The following RBFOX2 variants were observed in gnomAD, a reference collection of about 807,000 sequenced individuals.
RBFOX2 encodes RNA binding fox-1 homolog 2.
RBFOX2 carries 10 observed loss-of-function variants against 49.1 expected under a neutral mutation model. The ratio of observed to expected loss-of-function variants is 0.20; its 90% CI spans 0.13 to 0.35. The LOEUF (loss-of-function observed/expected upper bound fraction) is 0.35. Among genes scored for constraint, RBFOX2 ranks in the 10% least tolerant of loss-of-function variants. The pLI is 1.00. For missense variants in RBFOX2, 323 were observed against 486.9 expected, an observed-to-expected ratio of 0.66 and a Z score of 3.17; for synonymous variants, 183 against 187.4, an observed-to-expected ratio of 0.98 and a Z score of 0.19.
At chr22:35,770,101 C>T (rs1037143323) in intron 4 of RBFOX2, among the ~76,000 whole-genome samples, 1 of 152,166 alleles carries the variant, frequency 6.6e-6, no homozygotes, top group African/African-American at 2.4e-5. Context: ...TTTGACACCA[C>T]AAGGTATAAA....
chr22:36,025,093 C>T (rs977885991), intron 1 of RBFOX2, among the ~76,000 whole-genome samples: 1 of 152,210 alleles, frequency 6.6e-6, no homozygotes, highest in African/African-American at 2.4e-5. Context: ...CAGGCGTGAG[C>T]CACTGCGCCC....
At chr22:35,984,376 C>T (rs1421086442) in intron 1 of RBFOX2, among the ~76,000 whole-genome samples, 1 of 152,170 alleles carries the variant, frequency 6.6e-6, no homozygotes, top group Non-Finnish European at 1.5e-5. Flanking sequence ...CCATTATATA[C>T]TCTAAAAATA....
intron 1 of RBFOX2, among the ~76,000 whole-genome samples, chr22:35,832,201 G>A (rs1210514113): frequency 2.0e-5 from 3 of 152,016 alleles, no homozygotes; most frequent in African/African-American, 7.2e-5. Flanking sequence ...GTGAAACCCT[G>A]TCTCTACCAA....
At chr22:35,943,900 G>A (rs1046568347) in intron 1 of RBFOX2, among the ~76,000 whole-genome samples, 9 of 152,162 alleles carry the variant, frequency 5.9e-5, no homozygotes, top group Non-Finnish European at 1.0e-4. Flanking sequence ...GCGAGACTCC[G>A]TCTCAAAAAA....
At chr22:36,009,352 GAC>G (rs753637957) in intron 1 of RBFOX2, among the ~76,000 whole-genome samples, 3 of 152,148 alleles carry the variant, frequency 2.0e-5, no homozygotes, top group Non-Finnish European at 2.9e-5. Flanking sequence ...TAAGATTAGA[GAC>G]AGAATTTCTG....
At chr22:35,975,030 C>T (rs1388014153) in intron 1 of RBFOX2, among the ~76,000 whole-genome samples, 1 of 152,188 alleles carries the variant, frequency 6.6e-6, no homozygotes, top group Non-Finnish European at 1.5e-5. Flanking sequence ...TTTCTGTTAA[C>T]TTTCCAATCC....
At chr22:35,840,359 C>G in exon 1 of RBFOX2, 1 of 1,549,066 alleles carries the variant, frequency 6.5e-7, no homozygotes, top group Non-Finnish European at 8.7e-7. Flanking sequence ...GTTTTCCTTC[C>G]TTTTTCTTTC....
At chr22:36,013,626 AACAC>A (rs547422068) in intron 1 of RBFOX2, among the ~76,000 whole-genome samples, 3 of 146,150 alleles carry the variant, frequency 2.1e-5, no homozygotes, top group Non-Finnish European at 3.0e-5. Context: ...GCATCACACA[AACAC>A]ACACACACAC....
chr22:35,809,416 T>C (rs1030793110), intron 2 of RBFOX2, among the ~76,000 whole-genome samples: 1 of 151,358 alleles, frequency 6.6e-6, no homozygotes, highest in Non-Finnish European at 1.5e-5. Context: ...AAAGAAAGAA[T>C]ATTCCTAGGT....
intron 9 of RBFOX2, among the ~76,000 whole-genome samples, chr22:35,755,474 T>C (rs367738084): frequency 6.6e-6 from 1 of 152,218 alleles, no homozygotes; most frequent in Non-Finnish European, 1.5e-5. Context: ...GGTTGCTGAT[T>C]ATGCTACTCA....
intron 1 of RBFOX2, among the ~76,000 whole-genome samples, chr22:35,835,722 T>C (rs1190163245): frequency 6.6e-6 from 1 of 151,942 alleles, no homozygotes; most frequent in Non-Finnish European, 1.5e-5. Flanking sequence ...GATTAGGGGG[T>C]GACTAAGACG....
chr22:35,850,001 A>T (rs551408354), intron 1 of RBFOX2, among the ~76,000 whole-genome samples: 6 of 152,272 alleles, frequency 3.9e-5, no homozygotes, highest in Non-Finnish European at 7.4e-5. Context: ...ACACTGGCAC[A>T]CAAACACGGT....
chr22:35,879,314 T>G (rs1269887259), intron 1 of RBFOX2, among the ~76,000 whole-genome samples: 2 of 152,220 alleles, frequency 1.3e-5, no homozygotes, highest in Admixed American at 6.5e-5. Flanking sequence ...TTTTTTTCCT[T>G]GTCACCGTAA....
intron 1 of RBFOX2, among the ~76,000 whole-genome samples, chr22:35,929,496 G>C (rs2052091084): frequency 6.6e-6 from 1 of 151,660 alleles, no homozygotes; most frequent in South Asian, 2.1e-4. Context: ...TCACTATAAT[G>C]AAATATTATT....
intron 1 of RBFOX2, among the ~76,000 whole-genome samples, chr22:35,933,985 C>T (rs964440521): frequency 7.2e-6 from 1 of 138,692 alleles, no homozygotes; most frequent in Non-Finnish European, 1.5e-5. Flanking sequence ...TAGAAAATTT[C>T]CTTGAAAATA....
rs544520325 is a variant in RBFOX2 at position 35,879,048 on chromosome 22, A to C, written c.-34+59799T>G. ...CCTGGCCGTATGGCCTGTTTTTATA[A>C]TATTTAGAAGATAAATGCTATGAAA... On this transcript the variant is annotated intron_variant, in intron 1 of 13. Transcript: ENST00000359369. Among the ~76,000 whole-genome samples, 7 of 152,324 alleles carry C rather than the reference A, an allele frequency of 4.6e-5. No homozygotes were observed. The East Asian group carries it at 1.4e-3, about 29-fold the overall frequency.
chr22:35,961,761 A>C, upstream of RBFOX2: 1 of 1,196,270 alleles, frequency 8.4e-7, no homozygotes, highest in East Asian at 5.9e-5. Flanking sequence ...CACCCGCCCC[A>C]AAAAGACGAT....
chr22:35,746,819 C>A (rs1932905840), intron 9 of RBFOX2: 2 of 351,746 alleles, frequency 5.7e-6, no homozygotes, highest in Non-Finnish European at 1.0e-5. Flanking sequence ...TTTGGTAGTA[C>A]CTGTTAAATA....
chr22:35,972,784 C>T (rs2056951850), intron 1 of RBFOX2, among the ~76,000 whole-genome samples: 2 of 152,100 alleles, frequency 1.3e-5, no homozygotes. Flanking sequence ...CAGTTGGCAC[C>T]CTCTTCTATG....
Sources: allele counts gnomAD v4.1 joint callset (sites outside exome capture counted in the v4.1 genomes callset), GRCh38; gene constraint gnomAD v4.1.1; transcripts MANE v1.5; gene names NCBI Gene and HGNC (gene_info 2026-07-23, HGNC 2026-07-21).